ZNF418: variants seen among roughly 807,000 people sequenced by gnomAD.
ZNF418 encodes the protein zinc finger protein 418.
In ZNF418, 32 loss-of-function variants were observed where a neutral mutation model predicts 32.0. The ratio of observed to expected loss-of-function variants is 1.00; its 90% CI spans 0.75 to 1.34. ZNF418 has a LOEUF of 1.34. ZNF418 is among the 40% of genes most tolerant of loss of function. ZNF418 has a pLI of 0.00. For missense variants in ZNF418, 804 were observed against 812.5 expected (o/e 0.99, Z 0.13); for synonymous variants, 276 against 270.7 (o/e 1.02, Z -0.19).
chr19:57,928,134 A>G (rs528634189), intron 3 of ZNF418, 87 bp from the exon 4 acceptor site: 2 of 1,130,604 alleles, frequency 1.8e-6, no homozygotes, highest in Admixed American at 2.5e-5. Context: ...AAACCAAGGA[A>G]TTACTCCATG....
intron 4 of ZNF418, among the ~76,000 whole-genome samples, chr19:57,924,341 C>G (rs2072130103): frequency 6.6e-6 from 1 of 152,168 alleles, no homozygotes. Context: ...ACTAAGAGAT[C>G]TCCCTTCTCC....
At position 57,928,007 on chromosome 19, in the gene ZNF418, C is replaced by A; in HGVS notation, c.174G>T (p.Lys58Asn). Residue 58 changes from lysine to asparagine, a missense_variant, in exon 4 of 6, where the codon AAG becomes AAT. Around this residue, in one of 3 missense-constraint regions of ZNF418, gnomAD observed 307 missense variants for 304.9 expected, o/e 1.01. Transcript: ENST00000396147. ...CGSEDEEAPS[K>N]KSISIQRVSQ... ...ACACTCTTTGTATAGAAATGCTCTT[C>A]TTAGAAGGTGCCTCCTCATCTTCTG... The A allele has an allele frequency of 6.4e-7, 1 of 1,567,272 alleles. No individual in the cohort carries two copies. Among genetic ancestry groups the A allele is most frequent in the Non-Finnish European group, 8.7e-7 (1 of 1,152,922 alleles).
At chr19:57,923,563 C>CACAT (rs1055725426) in intron 4 of ZNF418, among the ~76,000 whole-genome samples, 2 of 135,944 alleles carry the variant, frequency 1.5e-5, no homozygotes, top group Non-Finnish European at 3.3e-5. Context: ...CACACACACA[C>CACAT]ACATATATAC....
intron 4 of ZNF418, among the ~76,000 whole-genome samples, chr19:57,925,256 CGA>C (rs1315908502): frequency 1.3e-5 from 2 of 151,980 alleles, no homozygotes; most frequent in Non-Finnish European, 2.9e-5. Context: ...GTCAGGAGAT[CGA>C]GACCATCCTG....
At chr19:57,930,663 A>G in intron 2 of ZNF418, 109 bp from the exon 3 acceptor site, 2 of 1,501,322 alleles carry the variant, frequency 1.3e-6, no homozygotes, top group Non-Finnish European at 1.8e-6. Context: ...CAAGATCCTC[A>G]GCACAGAGGA....
chr19:57,930,400 G>C, intron 3 of ZNF418, 28 bp downstream of exon 3: 1 of 1,613,858 alleles, frequency 6.2e-7, no homozygotes, highest in Non-Finnish European at 8.5e-7. Context: ...ATCTATTCAG[G>C]AAATAGGGTA....
At position 57,925,956 on chromosome 19, in the gene ZNF418, G is replaced by A. The variant is rs542450417; in HGVS notation, c.*194C>T. On this transcript the variant is annotated 3_prime_UTR_variant, in exon 4 of 6. Transcript: ENST00000396147. Reference sequence around the variant, plus strand: ...AACAATCTGTTATCCAATGACAGAAGGCAGAAGGCTTTCTCACATTCATCG... The same window carrying A: ...AACAATCTGTTATCCAATGACAGAAAGCAGAAGGCTTTCTCACATTCATCG... The A allele has an allele frequency of 1.5e-4, 86 of 576,862 alleles. No homozygotes were observed. The highest frequency in any genetic ancestry group is 1.5e-3 in the African/African-American group (79 of 53,806). The allele number at this position is 576,862 out of a possible 1,614,324, so 35.7% of individuals were successfully genotyped here. A position where few individuals can be genotyped will look rare whatever the true frequency, so the allele number is the denominator to read the frequency against.
chr19:57,929,686 C>G (rs898049084), intron 3 of ZNF418, among the ~76,000 whole-genome samples: 4 of 145,432 alleles, frequency 2.8e-5, no homozygotes, highest in Non-Finnish European at 6.1e-5. Flanking sequence ...AACAGAATTT[C>G]TTTTTTTTTT....
chr19:57,922,714 A>T (rs2072038350), intron 5 of ZNF418, 85 bp from the exon 6 acceptor site: 1 of 396,940 alleles, frequency 2.5e-6, no homozygotes, highest in Non-Finnish European at 4.4e-6. Flanking sequence ...AAAAACCAAA[A>T]GCATGCCAGG....
rs751302458 is a variant in ZNF418 at position 57,926,441 on chromosome 19, T to C, written c.1740A>G (p.Glu580=). The C allele has an allele frequency of 1.2e-6, 2 of 1,613,616 alleles. No homozygotes were observed. Among genetic ancestry groups the C allele is most frequent in the Non-Finnish European group, 1.7e-6 (2 of 1,179,846 alleles). The change falls in exon 4 of 6, where the codon GAA becomes GAG. Residue 580 remains glutamate, a synonymous_variant. Transcript: ENST00000396147. ...TTTCTCCAGTGTGAACTCTCCTGTG[T>C]TCAAGGAGACTGGAGAAGAATTTCC... is the stretch of plus-strand genomic sequence containing the variant. ...ECGKFFSSLL[E]HRRVHTGERP...
chr19:57,934,973 CCGGT>C (rs2072636265), intron 1 of ZNF418, 184 bp downstream of exon 1: 2 of 1,411,236 alleles, frequency 1.4e-6, no homozygotes, highest in Non-Finnish European at 1.9e-6. Context: ...ATAGCCCGCG[CCGGT>C]CCCTGTGCCT....
rs763564870 is a variant in ZNF418, at chr19:57,926,807, C to G, written c.1374G>C (p.Glu458Asp). ...HTGERPYECR[E>D]CRKLFRGKSH... Reference sequence around the variant, plus strand: ...ACTTGCCCCTAAATAATTTCCTACACTCTCTACACTCATAAGGCCTTTCTC... The same window carrying G: ...ACTTGCCCCTAAATAATTTCCTACAGTCTCTACACTCATAAGGCCTTTCTC... The change falls in exon 4 of 6, where the codon GAG becomes GAC. Residue 458 changes from glutamate (E) to aspartate (D), a missense_variant. Glu to Asp is a conservative substitution (Grantham distance 45, BLOSUM62 2). This residue lies in a region of ZNF418 where 475 missense variants were observed against 458.6 expected (regional missense o/e 1.04). Coordinates refer to ENST00000396147, the MANE Select transcript of ZNF418 (RefSeq NM_133460.3). The G allele has an allele frequency of 1.9e-6, 3 of 1,613,336 alleles. No individual in the cohort carries two copies. The African/African-American group carries it at 4.0e-5, about 22-fold the overall frequency.
chr19:57,922,753 T>G, intron 5 of ZNF418, 124 bp from the exon 6 acceptor site: 1 of 390,224 alleles, frequency 2.6e-6, no homozygotes, highest in East Asian at 3.6e-5. Context: ...AATCTTAGCA[T>G]TTTGAGAGGC....
At chr19:57,922,747 T>C in intron 5 of ZNF418, 118 bp from the exon 6 acceptor site, 1 of 391,904 alleles carries the variant, frequency 2.6e-6, no homozygotes. Context: ...TCCTGTAATC[T>C]TAGCATTTTG....
intron 3 of ZNF418, among the ~76,000 whole-genome samples, chr19:57,928,910 C>T (rs1270515591): frequency 1.3e-5 from 2 of 152,076 alleles, no homozygotes; most frequent in South Asian, 2.1e-4. Flanking sequence ...AGGAGAATGG[C>T]GTGAACCCAG....
chr19:57,934,780 CT>C, intron 1 of ZNF418: 1 of 271,256 alleles, frequency 3.7e-6, no homozygotes, highest in Non-Finnish European at 6.9e-6. Flanking sequence ...TTTGGGAAAC[CT>C]TAAAAGCCTG....
chr19:57,930,477 G>C lies in ZNF418; in HGVS notation c.84C>G (p.Cys28Trp), dbSNP rs1036072764. Residue 28 changes from cysteine to tryptophan, a missense_variant, in exon 3 of 6, where the codon TGC (cysteine) becomes TGG (tryptophan). By Grantham distance (215) the Cys-to-Trp change is radical (BLOSUM62 -2). This residue lies in a region of ZNF418 where 307 missense variants were observed against 304.9 expected (regional missense o/e 1.01). Transcript: ENST00000396147. ...EWSLLSEVQR[C>W]LYHDVMLENW... is the part of the protein sequence containing the mutation. ...TCTCCAGCATCACGTCATGGTAAAG[G>C]CATCTCTGAACCTCACTAAGGAGAC... The C allele has an allele frequency of 6.2e-7, 1 of 1,613,994 alleles. No individual in the cohort carries two copies. The highest frequency in any genetic ancestry group is 1.3e-5 in the African/African-American group (1 of 74,892).
chr19:57,922,354 G>T lies in ZNF418; in HGVS notation c.*901C>A. On this transcript the variant is annotated 3_prime_UTR_variant, in exon 6 of 6. Transcript: ENST00000396147. ...TGCAAAATAAAAATGTTAGAAAATGGGCCACACTTTACAAATTGAGATTAT... is the reference window on the plus strand; with the variant it reads ...TGCAAAATAAAAATGTTAGAAAATGTGCCACACTTTACAAATTGAGATTAT... The T allele has an allele frequency of 2.6e-6, 1 of 386,304 alleles. No individual in the cohort carries two copies. The highest frequency in any genetic ancestry group is 1.5e-4 in the South Asian group (1 of 6,876). The allele number at this position is 386,304 out of a possible 1,614,324, so 23.9% of individuals were successfully genotyped here.
rs558490563 is a variant in ZNF418, at chr19:57,933,891, G to A, written c.-69C>T. 34 of 1,613,460 alleles carry A rather than the reference G, an allele frequency of 2.1e-5. No homozygotes were observed. In the East Asian group the frequency reaches 6.7e-4, roughly 32 times the overall value. ...AACACAGTGTGTTCTCTTCTTTGCA[G>A]CCAGATGATGCCTGCAGACAAATGG... On this transcript the variant is annotated 5_prime_UTR_variant, in exon 2 of 6. Coordinates refer to ENST00000396147, the MANE Select transcript of ZNF418 (RefSeq NM_133460.3).
Sources: allele counts gnomAD v4.1 joint callset (sites outside exome capture counted in the v4.1 genomes callset), GRCh38; gene constraint gnomAD v4.1.1; regional missense constraint gnomAD v4.1.1; transcripts MANE v1.5; gene names NCBI Gene and HGNC (gene_info 2026-07-23, HGNC 2026-07-21).